The following EDAR variants were observed in gnomAD, a reference collection of about 807,000 sequenced individuals.
EDAR encodes tumor necrosis factor receptor superfamily member EDAR.
A neutral mutation model predicts 51.3 loss-of-function variants in EDAR; 38 were observed. The ratio of observed to expected loss-of-function variants is 0.74; its 90% CI spans 0.57 to 0.97. The LOEUF (loss-of-function observed/expected upper bound fraction) is 0.97. EDAR is among the 50% of genes least tolerant of loss of function. The pLI, the probability that EDAR is intolerant of heterozygous loss-of-function variation, is 0.00. For synonymous variants in EDAR, 227 were observed against 242.1 expected (o/e 0.94, Z 0.58); for missense variants, 528 against 595.0 (o/e 0.89, Z 1.17).
intron 1 of EDAR, among the ~76,000 whole-genome samples, chr2:108,947,517 T>C (rs954158830): frequency 1.3e-5 from 2 of 152,182 alleles, no homozygotes; most frequent in African/African-American, 2.4e-5. Context: ...TGCCTGGACA[T>C]CCAGGCATTT....
At chr2:108,965,838 G>GC (rs1439513827) in intron 1 of EDAR, among the ~76,000 whole-genome samples, 1 of 151,970 alleles carries the variant, frequency 6.6e-6, no homozygotes, top group African/African-American at 2.4e-5. Context: ...CTCCCCTCCT[G>GC]CATCATGTAC....
intron 1 of EDAR, among the ~76,000 whole-genome samples, chr2:108,938,729 T>G (rs1697525022): frequency 6.6e-6 from 1 of 151,898 alleles, no homozygotes; most frequent in African/African-American, 2.4e-5. Context: ...ATCAGAAAAG[T>G]TATCATAACT....
chr2:108,940,040 C>A (rs1574393425), intron 1 of EDAR, among the ~76,000 whole-genome samples: 1 of 152,246 alleles, frequency 6.6e-6, no homozygotes, highest in Admixed American at 6.5e-5. Context: ...GAATCCCAAG[C>A]TATGTCAGCC....
intron 4 of EDAR, among the ~76,000 whole-genome samples, chr2:108,924,288 C>T (rs1363431858): frequency 6.6e-6 from 1 of 152,250 alleles, no homozygotes; most frequent in Non-Finnish European, 1.5e-5. Flanking sequence ...GTGCTCCCTG[C>T]AGCCGTCCCG....
intron 5 of EDAR, among the ~76,000 whole-genome samples, chr2:108,921,412 G>T (rs1480896941): frequency 6.6e-6 from 1 of 152,202 alleles, no homozygotes; most frequent in African/African-American, 2.4e-5. Context: ...GAGTACCAAG[G>T]ATGTGCACTT....
chr2:108,973,245 C>G (rs186373291), intron 1 of EDAR, among the ~76,000 whole-genome samples: 3 of 152,320 alleles, frequency 2.0e-5, no homozygotes, highest in African/African-American at 7.2e-5. Context: ...GCTTCGGCCT[C>G]CCAAAGTTCT....
At chr2:108,970,030 C>T (rs986980662) in intron 1 of EDAR, among the ~76,000 whole-genome samples, 13 of 152,324 alleles carry the variant, frequency 8.5e-5, no homozygotes, top group African/African-American at 2.9e-4. Flanking sequence ...ACGTCTGAGC[C>T]TTGGCTATCT....
chr2:108,932,858 G>C (rs531524849), intron 1 of EDAR, among the ~76,000 whole-genome samples: 2 of 152,326 alleles, frequency 1.3e-5, no homozygotes, highest in African/African-American at 4.8e-5. Flanking sequence ...CAAGGCTGCT[G>C]CTTAACTTGT....
intron 5 of EDAR, among the ~76,000 whole-genome samples, chr2:108,919,102 T>C (rs1375227657): frequency 6.6e-6 from 1 of 152,142 alleles, no homozygotes; most frequent in Non-Finnish European, 1.5e-5. Context: ...TGAGAGGCTC[T>C]GAGCCAGGAG....
In EDAR at chr2:108,930,213, T is replaced by G; in HGVS notation, c.81A>C (p.Glu27Asp). ...ACTCGTTCTCACCGCAGTTTGAGTA[T>G]TCCGCTCGGGCTGAGCACATCAGAG... is the stretch of plus-strand genomic sequence containing the variant. ...VVSLMCSARAEYSNCGENEYY... is the reference protein window; with the variant it reads ...VVSLMCSARADYSNCGENEYY... The change falls in exon 3 of 12, where the codon GAA becomes GAC. Residue 27 changes from glutamate (E) to aspartate (D), a missense_variant. Transcript: ENST00000258443. 5 of 1,614,130 alleles carry G rather than the reference T, an allele frequency of 3.1e-6. No homozygotes were observed. Among genetic ancestry groups the G allele is most frequent in the Middle Eastern group, 1.6e-4 (1 of 6,062 alleles).
chr2:108,976,109 GT>G (rs1558843092), intron 1 of EDAR, among the ~76,000 whole-genome samples: 1 of 152,154 alleles, frequency 6.6e-6, no homozygotes, highest in Non-Finnish European at 1.5e-5. Flanking sequence ...GATGTCCTTA[GT>G]TTTCTCCTAA....
intron 1 of EDAR, among the ~76,000 whole-genome samples, chr2:108,947,478 A>C (rs992060415): frequency 6.6e-6 from 1 of 152,178 alleles, no homozygotes; most frequent in East Asian, 1.9e-4. Flanking sequence ...GAGGTTCTCC[A>C]TGAGGGCTTC....
intron 5 of EDAR, among the ~76,000 whole-genome samples, chr2:108,917,103 G>A (rs569312487): frequency 3.3e-5 from 5 of 152,326 alleles, no homozygotes; most frequent in Admixed American, 2.0e-4. Context: ...TAAAGGCAAG[G>A]GTGTGCCAGA....
At chr2:108,927,676 GT>G (rs1289097191) in intron 4 of EDAR, among the ~76,000 whole-genome samples, 1 of 152,100 alleles carries the variant, frequency 6.6e-6, no homozygotes, top group East Asian at 1.9e-4. Context: ...AGCACCCTGA[GT>G]GCATAGTGAC....
At chr2:108,976,511 G>A (rs982782502) in intron 1 of EDAR, among the ~76,000 whole-genome samples, 50 of 152,128 alleles carry the variant, frequency 3.3e-4, no homozygotes, top group African/African-American at 1.2e-3. Context: ...GTCTCCAGGC[G>A]GAGCGCACAC....
chr2:108,975,354 C>T (rs260597), intron 1 of EDAR, among the ~76,000 whole-genome samples: 34,085 of 152,072 alleles, frequency 0.22, 4,006 homozygotes, highest in Middle Eastern at 0.31. Context: ...AGGCTGGGGG[C>T]AAGGGAGCTT....
chr2:108,899,526 A>C lies in EDAR; in HGVS notation c.1025-2297T>G, dbSNP rs142532514. On this transcript the variant is annotated intron_variant, in intron 11 of 11. Coordinates refer to ENST00000258443, the MANE Select transcript of EDAR (RefSeq NM_022336.4). ...GCAAAAATATGGGCACATACAATAGACTTTCCTTCTCTTTTTAAGTTTTCT... is the reference window on the plus strand; with the variant it reads ...GCAAAAATATGGGCACATACAATAGCCTTTCCTTCTCTTTTTAAGTTTTCT... Among the ~76,000 whole-genome samples the C allele has an allele frequency of 1.4e-3, 214 of 152,306 alleles. 2 individuals carry two copies. Among genetic ancestry groups the C allele is most frequent in the African/African-American group, 4.9e-3 (204 of 41,564 alleles).
chr2:108,906,373 G>A lies in EDAR; in HGVS notation c.964-5C>T, dbSNP rs1321089674. On this transcript the variant is annotated splice_polypyrimidine_tract_variant and splice_region_variant and intron_variant, in intron 10 of 11. Transcript: ENST00000258443. ...CTTTTTCCTCCGGCTTTGAATCTGTGAAAAAGAGTCGAGAATTTTCATCTC... is the reference window on the plus strand; with the variant it reads ...CTTTTTCCTCCGGCTTTGAATCTGTAAAAAAGAGTCGAGAATTTTCATCTC... 6.2e-7 allele frequency: 1 copy of A among 1,614,120 alleles called. No individual in the cohort carries two copies. The highest frequency in any genetic ancestry group is 1.1e-5 in the South Asian group (1 of 91,084).
chr2:108,971,261 C>G (rs572965614), intron 1 of EDAR, among the ~76,000 whole-genome samples: 1 of 152,228 alleles, frequency 6.6e-6, no homozygotes, highest in East Asian at 1.9e-4. Context: ...TTTCTTCCAG[C>G]ATCTAGAAAC....
Sources: allele counts gnomAD v4.1 joint callset (sites outside exome capture counted in the v4.1 genomes callset), GRCh38; gene constraint gnomAD v4.1.1; transcripts MANE v1.5; gene names NCBI Gene and HGNC (gene_info 2026-07-23, HGNC 2026-07-21).